Variants in NUDCD3 observed in about 807,000 individuals in gnomAD.
The protein encoded by NUDCD3 is NudC domain containing 3.
NUDCD3 carries 13 observed loss-of-function variants against 39.7 expected under a neutral mutation model. The ratio of observed to expected loss-of-function variants is 0.33; its 90% CI spans 0.21 to 0.52. The LOEUF (loss-of-function observed/expected upper bound fraction) is 0.52. Among genes scored for constraint, NUDCD3 ranks in the 20% least tolerant of loss-of-function variants. The pLI, the probability that NUDCD3 is intolerant of heterozygous loss-of-function variation, is 0.96. For missense variants in NUDCD3, 453 were observed against 458.1 expected (o/e 0.99, Z 0.10); for synonymous variants, 175 against 172.4 (o/e 1.02, Z -0.12).
intron 2 of NUDCD3, among the ~76,000 whole-genome samples, chr7:44,482,886 T>A (rs1189004857): frequency 1.3e-5 from 2 of 151,968 alleles, no homozygotes; most frequent in Non-Finnish European, 2.9e-5. Context: ...AGGTAGAAAT[T>A]GAAGCCATAA....
chr7:44,403,758 A>G (rs939881793), intron 4 of NUDCD3, among the ~76,000 whole-genome samples: 2 of 152,202 alleles, frequency 1.3e-5, no homozygotes, highest in African/African-American at 2.4e-5. Context: ...TCCAGACATT[A>G]TATTTTTCTT....
At chr7:44,424,495 T>A (rs1799197799) in intron 3 of NUDCD3, among the ~76,000 whole-genome samples, 2 of 152,054 alleles carry the variant, frequency 1.3e-5, no homozygotes, top group Admixed American at 1.3e-4. Flanking sequence ...GAAGAGACAC[T>A]TCTCAAAAGA....
Position 44,427,160 on chromosome 7 carries a change from G to A in NUDCD3, c.642+411C>T, listed in dbSNP as rs562627625. 2.0e-5 allele frequency among the ~76,000 whole-genome samples: 3 copies of A among 152,290 alleles called. No homozygotes were observed. The East Asian group carries it at 5.8e-4, about 29-fold the overall frequency. On this transcript the variant is annotated intron_variant, in intron 3 of 5. Coordinates refer to ENST00000355451, the MANE Select transcript of NUDCD3 (RefSeq NM_015332.4). Reference sequence around the variant, plus strand: ...TGGACTTTTCTTAGGGAAACTGAAGGCAGATTTAATCTTTAGGAAAAAAGA... The same window carrying A: ...TGGACTTTTCTTAGGGAAACTGAAGACAGATTTAATCTTTAGGAAAAAAGA...
intron 3 of NUDCD3, among the ~76,000 whole-genome samples, chr7:44,411,910 A>G (rs1798933533): frequency 6.6e-6 from 1 of 152,270 alleles, no homozygotes; most frequent in Non-Finnish European, 1.5e-5. Flanking sequence ...GGGGAAATAC[A>G]GAGACGCCTC....
In NUDCD3 at chr7:44,382,660, G is replaced by C. The variant is rs1265947309; in HGVS notation, c.*3351C>G. On this transcript the variant is annotated 3_prime_UTR_variant, in exon 6 of 6. Coordinates refer to ENST00000355451, the MANE Select transcript of NUDCD3 (RefSeq NM_015332.4). ...GGCTGCTTGACCTCTGACCACCAAGGAGGGAGTTTCTCAAGGACTGGCCAG... is the reference window on the plus strand; with the variant it reads ...GGCTGCTTGACCTCTGACCACCAAGCAGGGAGTTTCTCAAGGACTGGCCAG... The C allele has an allele frequency of 2.6e-5, 4 of 152,458 alleles. No homozygotes were observed. Among genetic ancestry groups the C allele is most frequent in the African/African-American group, 9.6e-5 (4 of 41,596 alleles). 9.4% of individuals were successfully genotyped at this position (152,458 alleles called of 1,614,324 possible). A position where few individuals can be genotyped will look rare whatever the true frequency, so the allele number is the denominator to read the frequency against.
At chr7:44,390,731 C>T (rs1798498137) in intron 5 of NUDCD3, among the ~76,000 whole-genome samples, 1 of 152,188 alleles carries the variant, frequency 6.6e-6, no homozygotes, top group Admixed American at 6.5e-5. Context: ...CCCTCACATA[C>T]ACCATCCCCA....
chr7:44,431,668 CTTTTTTT>C (rs755819096), intron 2 of NUDCD3, among the ~76,000 whole-genome samples: 3 of 120,838 alleles, frequency 2.5e-5, no homozygotes, highest in East Asian at 2.1e-4. Context: ...TCTCTCCTTC[CTTTTTTT>C]TTTTTTTTTT....
chr7:44,438,172 A>G (rs1042678877), intron 2 of NUDCD3, among the ~76,000 whole-genome samples: 1 of 152,174 alleles, frequency 6.6e-6, no homozygotes, highest in Non-Finnish European at 1.5e-5. Flanking sequence ...CCTAAGCAAC[A>G]TAGTGAGAGA....
intron 2 of NUDCD3, among the ~76,000 whole-genome samples, chr7:44,478,187 G>A (rs1477995474): frequency 6.6e-6 from 1 of 152,186 alleles, no homozygotes; most frequent in Non-Finnish European, 1.5e-5. Flanking sequence ...CACATTCTCT[G>A]ATGCTATCTT....
chr7:44,435,251 G>A (rs1313745374), intron 2 of NUDCD3, among the ~76,000 whole-genome samples: 1 of 152,150 alleles, frequency 6.6e-6, no homozygotes, highest in Non-Finnish European at 1.5e-5. Flanking sequence ...AACTCACCAA[G>A]AGGAGAGCCA....
At chr7:44,459,419 C>A (rs956623306) in intron 2 of NUDCD3, among the ~76,000 whole-genome samples, 5 of 152,092 alleles carry the variant, frequency 3.3e-5, no homozygotes, top group Non-Finnish European at 7.4e-5. Flanking sequence ...AACTCCTGGG[C>A]TCATGCAATC....
At chr7:44,468,348 GCAA>G in intron 2 of NUDCD3, 143 of 305,206 alleles carry the variant, frequency 4.7e-4, no homozygotes, top group Non-Finnish European at 5.0e-4. Flanking sequence ...TGTAAAAACT[GCAA>G]AAAAAAAAAA....
chr7:44,469,165 T>C (rs909637434), intron 2 of NUDCD3, among the ~76,000 whole-genome samples: 22 of 136,424 alleles, frequency 1.6e-4, no homozygotes, highest in Non-Finnish European at 9.3e-5. Context: ...TCAACTTGAG[T>C]CAGCAGGTAA....
At chr7:44,413,774 C>T (rs528638869) in intron 3 of NUDCD3, among the ~76,000 whole-genome samples, 3 of 152,160 alleles carry the variant, frequency 2.0e-5, no homozygotes, top group African/African-American at 7.2e-5. Flanking sequence ...AAATACAGGC[C>T]GGGTGTGGTG....
intron 4 of NUDCD3, among the ~76,000 whole-genome samples, chr7:44,397,015 A>T (rs1563164769): frequency 6.6e-6 from 1 of 152,188 alleles, no homozygotes; most frequent in African/African-American, 2.4e-5. Context: ...GTATGCACAT[A>T]GTAAAAATCA....
chr7:44,416,995 C>G (rs1056185825), intron 3 of NUDCD3, among the ~76,000 whole-genome samples: 1 of 152,188 alleles, frequency 6.6e-6, no homozygotes, highest in Non-Finnish European at 1.5e-5. Context: ...GTTAAATACA[C>G]AAACCACCCA....
chr7:44,474,588 A>T (rs1234604528), intron 2 of NUDCD3, among the ~76,000 whole-genome samples: 1 of 152,196 alleles, frequency 6.6e-6, no homozygotes, highest in Non-Finnish European at 1.5e-5. Context: ...CCCTGAACCC[A>T]TCCAACTCTG....
chr7:44,437,448 G>GT (rs938152573), intron 2 of NUDCD3, among the ~76,000 whole-genome samples: 5 of 151,870 alleles, frequency 3.3e-5, no homozygotes, highest in Non-Finnish European at 2.9e-5. Context: ...CTATGTTGAT[G>GT]TTTTTTTTCC....
chr7:44,472,919 T>A (rs1800285292), intron 2 of NUDCD3, among the ~76,000 whole-genome samples: 1 of 152,124 alleles, frequency 6.6e-6, no homozygotes, highest in Non-Finnish European at 1.5e-5. Flanking sequence ...GCAACATCCA[T>A]CAAAATTACA....
Sources: allele counts gnomAD v4.1 joint callset (sites outside exome capture counted in the v4.1 genomes callset), GRCh38; gene constraint gnomAD v4.1.1; transcripts MANE v1.5; gene names NCBI Gene and HGNC (gene_info 2026-07-23, HGNC 2026-07-21).